The following PPHLN1 variants were observed in gnomAD, a reference collection of about 807,000 sequenced individuals.
PPHLN1 encodes the protein periphilin-1.
Under a neutral mutation model 51.3 loss-of-function variants are expected in PPHLN1, and 29 were observed. The ratio of observed to expected loss-of-function variants is 0.57; its 90% confidence interval spans 0.42 to 0.77. PPHLN1 has a LOEUF of 0.77. Ranked by LOEUF, PPHLN1 falls within the 30% of genes least tolerant of loss-of-function variation. The probability of loss-of-function intolerance (pLI) is 0.00; values close to 1 mark genes in which losing one functional copy is unlikely to be tolerated. For synonymous variants in PPHLN1, 147 were observed against 147.8 expected, an observed-to-expected ratio of 0.99 and a Z score of 0.04; for missense variants, 436 against 438.4, an observed-to-expected ratio of 0.99 and a Z score of 0.05.
intron 9 of PPHLN1, 187 bp downstream of exon 9, chr12:42,399,181 ATTGT>A: frequency 1.6e-6 from 2 of 1,268,264 alleles, no homozygotes; most frequent in Non-Finnish European, 2.0e-6. Context: ...CCCCACCTGG[ATTGT>A]TTATTTTTAA....
At chr12:42,330,228 A>G (rs758017755) in intron 1 of PPHLN1, among the ~76,000 whole-genome samples, 2 of 152,152 alleles carry the variant, frequency 1.3e-5, no homozygotes, top group Non-Finnish European at 2.9e-5. Context: ...GAATAGAACA[A>G]ATGTACAATC....
intron 2 of PPHLN1, among the ~76,000 whole-genome samples, chr12:42,348,046 T>C (rs1311819982): frequency 6.6e-6 from 1 of 152,200 alleles, no homozygotes; most frequent in Admixed American, 6.5e-5. Flanking sequence ...TTGGTCTTTA[T>C]AGCCAGGTAT....
At chr12:42,446,107 G>A, downstream of PPHLN1, 1 of 1,555,610 alleles carries the variant, frequency 6.4e-7, no homozygotes. Flanking sequence ...TGCAGCCCCG[G>A]AAGAAACGGG....
chr12:42,369,762 G>A (rs1461715234), intron 4 of PPHLN1, among the ~76,000 whole-genome samples: 7 of 152,166 alleles, frequency 4.6e-5, no homozygotes, highest in South Asian at 2.1e-4. Context: ...AGATGAGTTC[G>A]GGCATATTTC....
At chr12:42,382,222 T>A (rs973770690) in intron 5 of PPHLN1, among the ~76,000 whole-genome samples, 3 of 152,156 alleles carry the variant, frequency 2.0e-5, no homozygotes, top group Non-Finnish European at 4.4e-5. Flanking sequence ...ACTTCCTGAG[T>A]GTGTTGTGTA....
chr12:42,344,078 G>C (rs1415718864), intron 2 of PPHLN1, among the ~76,000 whole-genome samples: 5 of 152,146 alleles, frequency 3.3e-5, no homozygotes, highest in African/African-American at 1.2e-4. Context: ...TGTGATGCCA[G>C]AAGTAAAATA....
intron 8 of PPHLN1, among the ~76,000 whole-genome samples, chr12:42,394,267 G>A (rs529079595): frequency 6.6e-6 from 1 of 152,170 alleles, no homozygotes; most frequent in South Asian, 2.1e-4. Context: ...TGTATAAACT[G>A]TAACATCTCT....
intron 4 of PPHLN1, among the ~76,000 whole-genome samples, chr12:42,364,046 A>G (rs776857071): frequency 3.3e-5 from 5 of 151,244 alleles, no homozygotes; most frequent in Non-Finnish European, 5.9e-5. Context: ...CAACATGGCA[A>G]AACCCTGTCT....
At chr12:42,446,749 A>G (rs888118884), downstream of PPHLN1, 1 of 1,202,956 alleles carries the variant, frequency 8.3e-7, no homozygotes, top group African/African-American at 1.5e-5. Flanking sequence ...GGAAAGACGC[A>G]ATTGGAAGGT....
At chr12:42,361,117 T>A (rs1369762091) in intron 4 of PPHLN1, 2 of 152,130 alleles carry the variant, frequency 1.3e-5, no homozygotes, top group Non-Finnish European at 2.9e-5. Flanking sequence ...GTTAGGCCTT[T>A]TAGGAGGTGA....
chr12:42,392,222 C>T (rs145999911), intron 7 of PPHLN1, among the ~76,000 whole-genome samples: 1,770 of 152,186 alleles, frequency 0.012, 20 homozygotes, highest in South Asian at 0.054. Context: ...TTCCCCCTCG[C>T]CCCTCCCAAA....
At chr12:42,434,156 A>C (rs2082281401) in intron 9 of PPHLN1, among the ~76,000 whole-genome samples, 1 of 152,092 alleles carries the variant, frequency 6.6e-6, no homozygotes, top group Non-Finnish European at 1.5e-5. Flanking sequence ...GCTGGAGACC[A>C]TTTTCCTTAG....
At chr12:42,402,176 C>G (rs367851567) in intron 9 of PPHLN1, among the ~76,000 whole-genome samples, 60 of 152,266 alleles carry the variant, frequency 3.9e-4, no homozygotes, top group African/African-American at 1.3e-3. Flanking sequence ...ATAGAGTAAT[C>G]AGGGACACTT....
At chr12:42,381,755 T>C (rs968410635) in intron 5 of PPHLN1, among the ~76,000 whole-genome samples, 1 of 152,200 alleles carries the variant, frequency 6.6e-6, no homozygotes, top group South Asian at 2.1e-4. Context: ...TCATCCATGA[T>C]CCAGTAAAAA....
rs199720292 is a variant in PPHLN1 at position 42,374,844 on chromosome 12, GT to G, written c.300-6del. ...ATAGAGTATAATTAACTTATTTTAT[GT>G]TTTTTTTTTTTTCAAAGGGACATGA... On this transcript the variant is annotated intron_variant, in intron 4 of 9. Coordinates refer to ENST00000358314, the MANE Select transcript of PPHLN1 (RefSeq NM_201439.2). 13,607 of 1,288,456 alleles carry G rather than the reference GT, an allele frequency of 0.011. 10 individuals carry two copies. The highest frequency in any genetic ancestry group is 0.031 in the South Asian group (2,259 of 73,518). 79.8% of individuals were successfully genotyped at this position (1,288,456 alleles called of 1,614,324 possible). A position where few individuals can be genotyped will look rare whatever the true frequency, so the allele number is the denominator to read the frequency against.
chr12:42,360,851 T>C (rs1309198361), intron 4 of PPHLN1, among the ~76,000 whole-genome samples: 1 of 152,144 alleles, frequency 6.6e-6, no homozygotes, highest in African/African-American at 2.4e-5. Context: ...ATTGGTATAG[T>C]TGACTTTTAT....
intron 6 of PPHLN1, 80 bp from the exon 7 acceptor site, chr12:42,387,376 A>T (rs2243465): frequency 0.35 from 506,727 of 1,441,944 alleles, 92,848 homozygotes; most frequent in Non-Finnish European, 0.37. Flanking sequence ...TATGACCCCC[A>T]CATTAATTCC....
At chr12:42,426,212 AC>A (rs2081461616) in intron 9 of PPHLN1, among the ~76,000 whole-genome samples, 1 of 109,200 alleles carries the variant, frequency 9.2e-6, no homozygotes, top group Non-Finnish European at 2.1e-5. Flanking sequence ...ACACACACAC[AC>A]ACACACACAC....
downstream of PPHLN1, chr12:42,443,012 A>C: frequency 2.7e-6 from 1 of 373,994 alleles, no homozygotes; most frequent in Non-Finnish European, 4.9e-6. Context: ...GATATCATGC[A>C]CAAGGGCAAT....
Sources: allele counts gnomAD v4.1 joint callset (sites outside exome capture counted in the v4.1 genomes callset), GRCh38; gene constraint gnomAD v4.1.1; transcripts MANE v1.5; gene names NCBI Gene and HGNC (gene_info 2026-07-23, HGNC 2026-07-21).